Variants in LTBP1 observed in about 807,000 individuals in gnomAD.
LTBP1 encodes the protein latent-transforming growth factor beta-binding protein 1.
A neutral mutation model predicts 207.6 loss-of-function variants in LTBP1; 129 were observed. That is an observed-to-expected ratio of 0.62 (90% CI 0.54 to 0.72). The LOEUF (loss-of-function observed/expected upper bound fraction) is 0.72, where lower values mean the gene tolerates loss of function less well. LTBP1 is among the 30% of genes least tolerant of loss of function. The probability of loss-of-function intolerance (pLI) is 0.00; values close to 1 mark genes in which losing one functional copy is unlikely to be tolerated. For missense variants in LTBP1, 2,281 were observed against 2,217.2 expected (o/e 1.03, Z -0.58); for synonymous variants, 963 against 833.7 (o/e 1.16, Z -2.67).
At chr2:33,235,883 T>G (rs2092022088) in intron 9 of LTBP1, among the ~76,000 whole-genome samples, 1 of 152,016 alleles carries the variant, frequency 6.6e-6, no homozygotes, top group Non-Finnish European at 1.5e-5. Context: ...GAGGGGAACA[T>G]CACACACTGG....
intron 2 of LTBP1, among the ~76,000 whole-genome samples, chr2:32,976,772 G>A (rs970568755): frequency 2.6e-5 from 4 of 152,270 alleles, no homozygotes; most frequent in South Asian, 2.1e-4. Context: ...GGCACACTCC[G>A]GTCCTCCACC....
chr2:32,947,842 C>A, intron 1 of LTBP1, 24 bp downstream of exon 1: 3 of 1,279,700 alleles, frequency 2.3e-6, no homozygotes, highest in Non-Finnish European at 3.0e-6. Flanking sequence ...CCCTTCCGCC[C>A]GCCCGCCCGC....
intron 3 of LTBP1, among the ~76,000 whole-genome samples, chr2:33,095,854 GA>G: frequency 6.6e-6 from 1 of 152,144 alleles, no homozygotes; most frequent in Admixed American, 6.5e-5. Context: ...AATTATTAAA[GA>G]AAAATGAATA....
At chr2:33,242,035 C>G (rs1174487594) in intron 9 of LTBP1, among the ~76,000 whole-genome samples, 1 of 152,272 alleles carries the variant, frequency 6.6e-6, no homozygotes, top group East Asian at 1.9e-4. Context: ...ATTTATACAG[C>G]AAATATGCAT....
At chr2:33,045,803 G>A (rs12466200) in intron 3 of LTBP1, among the ~76,000 whole-genome samples, 7,297 of 152,200 alleles carry the variant, frequency 0.048, 605 homozygotes, top group East Asian at 0.34. Flanking sequence ...GCAGCGGTTT[G>A]TAGTTCTCCT....
At chr2:33,263,801 A>C (rs1238748245) in intron 15 of LTBP1, among the ~76,000 whole-genome samples, 1 of 151,688 alleles carries the variant, frequency 6.6e-6, no homozygotes, top group East Asian at 1.9e-4. Flanking sequence ...AAAATACAAA[A>C]AATTAGCCAG....
At chr2:33,332,622 T>A (rs2094509589) in intron 24 of LTBP1, among the ~76,000 whole-genome samples, 1 of 151,902 alleles carries the variant, frequency 6.6e-6, no homozygotes, top group African/African-American at 2.4e-5. Context: ...AGTGGTGCTA[T>A]CTGGGCTCAC....
intron 23 of LTBP1, among the ~76,000 whole-genome samples, chr2:33,312,122 C>T (rs1327109734): frequency 6.6e-6 from 1 of 152,288 alleles, no homozygotes; most frequent in South Asian, 2.1e-4. Context: ...TGTGATCTTT[C>T]ACTCTGCCTG....
At chr2:33,173,126 C>T (rs2085635059) in intron 5 of LTBP1, among the ~76,000 whole-genome samples, 1 of 152,106 alleles carries the variant, frequency 6.6e-6, no homozygotes, top group Admixed American at 6.6e-5. Context: ...CATTCAAAAG[C>T]TAGCAGAAGG....
Position 33,187,099 on chromosome 2 carries a change from G to T in LTBP1, c.1426+19G>T, listed in dbSNP as rs773622021. The T allele has an allele frequency of 1.2e-6, 2 of 1,606,722 alleles. No homozygotes were observed. The highest frequency in any genetic ancestry group is 1.7e-6 in the Non-Finnish European group (2 of 1,174,450). ...GTCAAAGGTAAGCTTTTTTCATTCCGCCCATTTGCCAGACCTCTGTTAACC... is the reference window on the plus strand; with the variant it reads ...GTCAAAGGTAAGCTTTTTTCATTCCTCCCATTTGCCAGACCTCTGTTAACC... On this transcript the variant is annotated intron_variant, in intron 6 of 33. Transcript: ENST00000404816.
At chr2:32,950,554 C>CAAAA (rs61179206) in intron 2 of LTBP1, among the ~76,000 whole-genome samples, 1 of 114,914 alleles carries the variant, frequency 8.7e-6, no homozygotes, top group African/African-American at 3.4e-5. Flanking sequence ...GACTCTGTCT[C>CAAAA]AAAAAAAAAA....
At chr2:33,254,550 T>TG (rs944699542) in intron 11 of LTBP1, among the ~76,000 whole-genome samples, 7 of 20,816 alleles carry the variant, frequency 3.4e-4, no homozygotes, top group African/African-American at 6.1e-4. Context: ...TTAAACTTGG[T>TG]TTTTTTTTTT....
intron 5 of LTBP1, among the ~76,000 whole-genome samples, chr2:33,149,209 CG>C (rs1477640465): frequency 7.8e-6 from 1 of 129,008 alleles, no homozygotes; most frequent in Non-Finnish European, 1.6e-5. Flanking sequence ...AGCGAGACTC[CG>C]TCTCACTCAC....
intron 5 of LTBP1, among the ~76,000 whole-genome samples, chr2:33,165,649 A>G (rs1020886369): frequency 6.6e-6 from 1 of 152,232 alleles, no homozygotes; most frequent in Non-Finnish European, 1.5e-5. Context: ...TTAAACTTGT[A>G]CAGTAAACTC....
At chr2:33,253,446 A>C (rs1014550482) in intron 11 of LTBP1, among the ~76,000 whole-genome samples, 2 of 152,178 alleles carry the variant, frequency 1.3e-5, no homozygotes, top group Non-Finnish European at 2.9e-5. Flanking sequence ...AGGCAAATTT[A>C]TCTCTTTAAA....
rs564688924 is a variant in LTBP1 at position 32,948,980 on chromosome 2, A to C, written c.565+35A>C. On this transcript the variant is annotated intron_variant, in intron 2 of 33. Transcript: ENST00000404816. ...CATGTTCACAGTGGCCCTGCACAGT[A>C]GGCAAAGTGGGGGGAGGTGTCCACA... The C allele has an allele frequency of 2.5e-6, 4 of 1,608,862 alleles. No individual in the cohort carries two copies. In the Admixed American group the frequency reaches 5.0e-5, roughly 20 times the overall value.
chr2:33,169,595 A>C (rs1231184684), intron 5 of LTBP1, among the ~76,000 whole-genome samples: 6 of 152,262 alleles, frequency 3.9e-5, no homozygotes, highest in African/African-American at 1.2e-4. Context: ...CTTTTTAAGA[A>C]TTGAAACCAT....
At chr2:33,084,259 T>C (rs573793047) in intron 3 of LTBP1, among the ~76,000 whole-genome samples, 1 of 152,344 alleles carries the variant, frequency 6.6e-6, no homozygotes, top group South Asian at 2.1e-4. Context: ...ATAGGCATTT[T>C]TGCTTTTAAA....
intron 3 of LTBP1, among the ~76,000 whole-genome samples, chr2:33,034,044 C>T (rs1323649088): frequency 1.3e-5 from 2 of 152,118 alleles, no homozygotes; most frequent in African/African-American, 4.8e-5. Flanking sequence ...GCATCATTCA[C>T]CGTCCTAATT....
Sources: allele counts gnomAD v4.1 joint callset (sites outside exome capture counted in the v4.1 genomes callset), GRCh38; gene constraint gnomAD v4.1.1; transcripts MANE v1.5; gene names NCBI Gene and HGNC (gene_info 2026-07-23, HGNC 2026-07-21).